GLI2: variants seen among roughly 807,000 people sequenced by gnomAD.
The protein encoded by GLI2 is GLI family zinc finger 2, also known as transcription activator GLI2.
GLI2 carries 22 observed loss-of-function variants against 78.9 expected under a neutral mutation model. That is an observed-to-expected ratio of 0.28 (90% confidence interval 0.20 to 0.40). The LOEUF (loss-of-function observed/expected upper bound fraction) is 0.40. GLI2 is among the 10% of genes least tolerant of loss of function. The pLI, the probability that GLI2 is intolerant of heterozygous loss-of-function variation, is 1.00. For missense variants in GLI2, 2,097 were observed against 2,213.2 expected (o/e 0.95, Z 1.05); for synonymous variants, 974 against 963.7 (o/e 1.01, Z -0.20).
chr2:120,829,877 A>C (rs2104766003), intron 2 of GLI2, among the ~76,000 whole-genome samples: 1 of 152,276 alleles, frequency 6.6e-6, no homozygotes, highest in East Asian at 1.9e-4. Flanking sequence ...TAAGTTCTGC[A>C]AGCAAGTTCT....
intron 2 of GLI2, among the ~76,000 whole-genome samples, chr2:120,801,698 G>C (rs1000807520): frequency 6.6e-5 from 10 of 152,320 alleles, no homozygotes; most frequent in Admixed American, 1.3e-4. Flanking sequence ...GGACATGAAG[G>C]GGGTGGGAGG....
intron 2 of GLI2, among the ~76,000 whole-genome samples, chr2:120,894,157 G>A (rs998196100): frequency 3.3e-5 from 5 of 152,190 alleles, no homozygotes; most frequent in Non-Finnish European, 7.3e-5. Context: ...CTGACTTTCC[G>A]GAAAGGCCCC....
intron 2 of GLI2, among the ~76,000 whole-genome samples, chr2:120,923,064 T>C (rs536538844): frequency 1.3e-5 from 2 of 151,752 alleles, no homozygotes; most frequent in Non-Finnish European, 2.9e-5. Flanking sequence ...AATACACACA[T>C]ATGGCACACA....
chr2:120,763,947 A>G (rs1387560020), intron 1 of GLI2, among the ~76,000 whole-genome samples: 1 of 152,238 alleles, frequency 6.6e-6, no homozygotes, highest in African/African-American at 2.4e-5. Context: ...GGCTTTGCGA[A>G]GCCAGTGTGT....
At chr2:120,978,224 C>G (rs959215413) in intron 9 of GLI2, among the ~76,000 whole-genome samples, 1 of 151,774 alleles carries the variant, frequency 6.6e-6, no homozygotes, top group African/African-American at 2.4e-5. Context: ...TAGGGGTGGT[C>G]TTGTTGGGTC....
At chr2:120,743,363 G>A (rs904517768) in intron 1 of GLI2, among the ~76,000 whole-genome samples, 1 of 152,138 alleles carries the variant, frequency 6.6e-6, no homozygotes, top group African/African-American at 2.4e-5. Flanking sequence ...CAGGATTTGG[G>A]GAGGCTGAGG....
chr2:120,874,590 T>A (rs533276446), intron 2 of GLI2, among the ~76,000 whole-genome samples: 18 of 152,328 alleles, frequency 1.2e-4, no homozygotes, highest in Middle Eastern at 3.4e-3. Flanking sequence ...GTGGCATCTA[T>A]CATCCGTGAC....
At chr2:120,982,637 G>T in intron 10 of GLI2, 79 bp from the exon 11 acceptor site, 1 of 1,225,092 alleles carries the variant, frequency 8.2e-7, no homozygotes, top group Non-Finnish European at 1.2e-6. Context: ...AGCAGAGAAG[G>T]GGGTGGGGAG....
At chr2:120,982,196 A>G (rs1682746401) in intron 10 of GLI2, among the ~76,000 whole-genome samples, 1 of 152,172 alleles carries the variant, frequency 6.6e-6, no homozygotes, top group South Asian at 2.1e-4. Flanking sequence ...TAGTGGAGTC[A>G]AAGAACTGAA....
intron 2 of GLI2, among the ~76,000 whole-genome samples, chr2:120,887,793 C>CT (rs1477622448): frequency 6.6e-6 from 1 of 152,220 alleles, no homozygotes; most frequent in Admixed American, 6.5e-5. Flanking sequence ...TCAGCACACT[C>CT]TTAAGAGGAA....
At chr2:120,887,421 G>T (rs1341753917) in intron 2 of GLI2, among the ~76,000 whole-genome samples, 1 of 152,232 alleles carries the variant, frequency 6.6e-6, no homozygotes, top group Non-Finnish European at 1.5e-5. Context: ...TGGGCTGCGT[G>T]TTGGATTTCC....
rs564633007 is a variant in GLI2 at position 120,894,603 on chromosome 2, A to G, written c.149-32758A>G. Reference sequence around the variant, plus strand: ...AGGACCACAAATGAAGACATGCATTAACCCTTGGGGGGGGGTACCAGTGAT... The same window carrying G: ...AGGACCACAAATGAAGACATGCATTGACCCTTGGGGGGGGGTACCAGTGAT... On this transcript the variant is annotated intron_variant, in intron 2 of 13. Transcript: ENST00000361492. Among the ~76,000 whole-genome samples, 26 of 150,622 alleles carry G rather than the reference A, an allele frequency of 1.7e-4. 1 individual carries two copies. The South Asian group carries it at 5.2e-3, about 30-fold the overall frequency.
chr2:120,821,426 C>T (rs552925956), intron 2 of GLI2, among the ~76,000 whole-genome samples: 4 of 152,212 alleles, frequency 2.6e-5, no homozygotes, highest in South Asian at 2.1e-4. Context: ...CATTTATGGG[C>T]GACAGAGAAG....
At chr2:120,966,545 C>T (rs867354355) in intron 5 of GLI2, among the ~76,000 whole-genome samples, 17 of 152,232 alleles carry the variant, frequency 1.1e-4, no homozygotes, top group Admixed American at 2.0e-4. Flanking sequence ...AAGCCCCTTT[C>T]GGCCCAATGG....
chr2:120,877,100 A>G (rs1207954457), intron 2 of GLI2, among the ~76,000 whole-genome samples: 1 of 152,182 alleles, frequency 6.6e-6, no homozygotes, highest in African/African-American at 2.4e-5. Context: ...GGCTTGGCCC[A>G]GCTCCTCAGC....
intron 1 of GLI2, among the ~76,000 whole-genome samples, chr2:120,796,686 T>G (rs1684411765): frequency 6.6e-6 from 1 of 152,238 alleles, no homozygotes; most frequent in Non-Finnish European, 1.5e-5. Flanking sequence ...TATTTTCCCC[T>G]TGTTTGCCCC....
chr2:120,891,525 T>A (rs1677679899), intron 2 of GLI2, among the ~76,000 whole-genome samples: 2 of 152,116 alleles, frequency 1.3e-5, no homozygotes, highest in South Asian at 4.1e-4. Flanking sequence ...ATAAATTAAA[T>A]CACACAAATA....
chr2:120,884,294 G>C (rs909412397), intron 2 of GLI2, among the ~76,000 whole-genome samples: 1 of 152,144 alleles, frequency 6.6e-6, no homozygotes, highest in African/African-American at 2.4e-5. Flanking sequence ...GCCCATGTGC[G>C]GGCCAAGGGG....
chr2:120,959,722 T>G (rs1468859588), intron 5 of GLI2, among the ~76,000 whole-genome samples: 3 of 151,932 alleles, frequency 2.0e-5, no homozygotes, highest in African/African-American at 7.3e-5. Context: ...GGGAGGTGTT[T>G]TCGGTGGGTG....
Sources: gnomAD v4.1 joint callset for allele counts (sites outside exome capture counted in the v4.1 genomes callset) on GRCh38, gnomAD v4.1.1 for gene constraint, MANE v1.5 for transcripts, NCBI Gene and HGNC (gene_info 2026-07-23, HGNC 2026-07-21) for gene names.